Variants in CCBE1 observed in about 807,000 individuals in gnomAD.
CCBE1 encodes collagen and calcium-binding EGF domain-containing protein 1.
CCBE1 carries 37 observed loss-of-function variants against 50.0 expected under a neutral mutation model. That is an observed-to-expected ratio of 0.74 (90% CI 0.57 to 0.97). The LOEUF is 0.97. Ranked by LOEUF, CCBE1 falls within the 50% of genes least tolerant of loss-of-function variation. The pLI, the probability that CCBE1 is intolerant of heterozygous loss-of-function variation, is 0.00. For synonymous variants in CCBE1, 234 were observed against 203.7 expected, an observed-to-expected ratio of 1.15 and a Z score of -1.27; for missense variants, 538 against 523.8, an observed-to-expected ratio of 1.03 and a Z score of -0.26.
intron 2 of CCBE1, among the ~76,000 whole-genome samples, chr18:59,621,244 G>T (rs2144605863): frequency 6.6e-6 from 1 of 152,350 alleles, no homozygotes; most frequent in South Asian, 2.1e-4. Flanking sequence ...CCAAGGAGGT[G>T]AAAGAGTTCC....
intron 2 of CCBE1, among the ~76,000 whole-genome samples, chr18:59,591,771 C>CA (rs1225033452): frequency 6.6e-6 from 1 of 152,184 alleles, no homozygotes; most frequent in Non-Finnish European, 1.5e-5. Context: ...ACTACAAGTC[C>CA]ATTTACCTCT....
chr18:59,551,023 A>AAAAAAAAAAAAAAAAAAAAG (rs1915904169), intron 2 of CCBE1, among the ~76,000 whole-genome samples: 1 of 141,444 alleles, frequency 7.1e-6, no homozygotes, highest in African/African-American at 2.8e-5. Context: ...AAAAAAAAAA[A>AAAAAAAAAAAAAAAAAAAAG]AAAAAAGAAA....
intron 2 of CCBE1, among the ~76,000 whole-genome samples, chr18:59,653,743 C>G (rs1466236401): frequency 6.6e-6 from 1 of 152,170 alleles, no homozygotes; most frequent in Non-Finnish European, 1.5e-5. Flanking sequence ...AAATTCAGAA[C>G]CAGGCACAGC....
intron 5 of CCBE1, chr18:59,465,409 A>G (rs1223728868): frequency 2.6e-5 from 4 of 151,742 alleles, no homozygotes; most frequent in African/African-American, 9.7e-5. Flanking sequence ...TTTCCTCCGA[A>G]CTCAAATAAG....
chr18:59,602,565 T>C (rs1451737282), intron 2 of CCBE1, among the ~76,000 whole-genome samples: 5 of 152,010 alleles, frequency 3.3e-5, no homozygotes, highest in Non-Finnish European at 1.5e-5. Context: ...ATACATATAA[T>C]ACAAAAAGGG....
chr18:59,611,247 G>C (rs1022151391), intron 2 of CCBE1, among the ~76,000 whole-genome samples: 1 of 152,238 alleles, frequency 6.6e-6, no homozygotes, highest in Non-Finnish European at 1.5e-5. Context: ...CCGAGTAAGA[G>C]CTGGCAAGAG....
At chr18:59,577,112 C>T (rs779373418) in intron 2 of CCBE1, among the ~76,000 whole-genome samples, 7 of 152,166 alleles carry the variant, frequency 4.6e-5, no homozygotes, top group South Asian at 2.1e-4. Context: ...GAAGTGTTTG[C>T]GGTGGGTCTG....
chr18:59,522,604 A>G (rs1251140414), intron 2 of CCBE1, among the ~76,000 whole-genome samples: 1 of 152,228 alleles, frequency 6.6e-6, no homozygotes, highest in Non-Finnish European at 1.5e-5. Flanking sequence ...ATACAGTTCA[A>G]AAACAGTAAC....
intron 2 of CCBE1, among the ~76,000 whole-genome samples, chr18:59,602,872 G>T (rs895191138): frequency 1.3e-5 from 2 of 152,206 alleles, no homozygotes; most frequent in Non-Finnish European, 2.9e-5. Context: ...TCAGGTGTGA[G>T]GTCAGACAGA....
chr18:59,477,538 C>G (rs1489491260), intron 3 of CCBE1, among the ~76,000 whole-genome samples: 10 of 149,884 alleles, frequency 6.7e-5, no homozygotes, highest in Admixed American at 3.3e-4. Flanking sequence ...TTCCATGTCT[C>G]TGTGTGTGTG....
In CCBE1 at chr18:59,436,200, T is replaced by C. The variant is rs1210478777; in HGVS notation, c.988-59A>G. The C allele has an allele frequency of 3.4e-6, 5 of 1,479,942 alleles. No homozygotes were observed. The African/African-American group carries it at 6.9e-5, about 20-fold the overall frequency. 91.7% of individuals were successfully genotyped at this position (1,479,942 alleles called of 1,614,324 possible). A position where few individuals can be genotyped will look rare whatever the true frequency, so the allele number is the denominator to read the frequency against. ...GACAGACAGCAATGGCCTCCGGGGC[T>C]CCATGACTTGACCTGCTGCTTGCTG... On this transcript the variant is annotated intron_variant, in intron 10 of 10. Coordinates refer to ENST00000439986, the MANE Select transcript of CCBE1 (RefSeq NM_133459.4).
chr18:59,610,612 C>T (rs1468096832), intron 2 of CCBE1, among the ~76,000 whole-genome samples: 1 of 152,154 alleles, frequency 6.6e-6, no homozygotes, highest in Non-Finnish European at 1.5e-5. Flanking sequence ...CAGAAGGGCT[C>T]ATCTCACACA....
intron 2 of CCBE1, chr18:59,685,981 GCAC>G (rs2054648687): frequency 6.6e-6 from 1 of 151,598 alleles, no homozygotes; most frequent in Non-Finnish European, 1.5e-5. Flanking sequence ...CCCAAATTTG[GCAC>G]CATCCTGGAG....
chr18:59,615,454 T>C (rs368525342), intron 2 of CCBE1, among the ~76,000 whole-genome samples: 3 of 152,066 alleles, frequency 2.0e-5, no homozygotes, highest in African/African-American at 4.8e-5. Flanking sequence ...TCATTTCCAA[T>C]GTCATCTGCC....
Position 59,511,719 on chromosome 18 carries a change from A to G in CCBE1, c.213-31481T>C, listed in dbSNP as rs748538724. ...ATTAGGTCTTATTTCTTCTAACTGC[A>G]TATTTGTAACCATTAACCAACCTCT... On this transcript the variant is annotated intron_variant, in intron 2 of 10. Transcript: ENST00000439986. Among the ~76,000 whole-genome samples, 12 of 152,208 alleles carry G rather than the reference A, an allele frequency of 7.9e-5. No homozygotes were observed. The East Asian group carries it at 2.3e-3, about 29-fold the overall frequency.
At chr18:59,439,639 C>T (rs770313844) in intron 8 of CCBE1, 38 bp downstream of exon 8, 51 of 1,614,090 alleles carry the variant, frequency 3.2e-5, no homozygotes, top group Non-Finnish European at 4.3e-5. Flanking sequence ...AACACATTTT[C>T]CCCCAAAAAG....
chr18:59,583,640 CT>C (rs1350314684), intron 2 of CCBE1, among the ~76,000 whole-genome samples: 5 of 151,068 alleles, frequency 3.3e-5, no homozygotes, highest in Admixed American at 6.6e-5. Flanking sequence ...AGGCCTTACC[CT>C]GTCACTGCTT....
At chr18:59,575,502 A>G (rs923314740) in intron 2 of CCBE1, among the ~76,000 whole-genome samples, 3 of 152,248 alleles carry the variant, frequency 2.0e-5, no homozygotes, top group Non-Finnish European at 2.9e-5. Flanking sequence ...TTCAAATTAT[A>G]GTCAGGATTT....
chr18:59,523,701 A>G (rs1914701069), intron 2 of CCBE1, among the ~76,000 whole-genome samples: 1 of 152,172 alleles, frequency 6.6e-6, no homozygotes. Flanking sequence ...TCAGGGTTGG[A>G]TAATGTTAAA....
Sources: gnomAD v4.1 joint callset for allele counts (sites outside exome capture counted in the v4.1 genomes callset) on GRCh38, gnomAD v4.1.1 for gene constraint, MANE v1.5 for transcripts, NCBI Gene and HGNC (gene_info 2026-07-23, HGNC 2026-07-21) for gene names.